Variants in PHYHIPL observed in about 807,000 individuals in gnomAD.
PHYHIPL encodes the protein phytanoyl-CoA 2-hydroxylase interacting protein like, also known as phytanoyl-CoA hydroxylase-interacting protein-like.
PHYHIPL carries 9 observed loss-of-function variants against 33.4 expected under a neutral mutation model. The ratio of observed to expected loss-of-function variants is 0.27; its 90% CI spans 0.16 to 0.47. The LOEUF (loss-of-function observed/expected upper bound fraction) is 0.47. PHYHIPL is among the 20% of genes least tolerant of loss of function. PHYHIPL has a pLI of 0.99. For synonymous variants in PHYHIPL, 153 were observed against 154.1 expected (o/e 0.99, Z 0.05); for missense variants, 365 against 460.7 (o/e 0.79, Z 1.90).
intron 4 of PHYHIPL, among the ~76,000 whole-genome samples, chr10:59,240,880 A>G (rs1376235726): frequency 6.6e-6 from 1 of 152,056 alleles, no homozygotes; most frequent in East Asian, 1.9e-4. Flanking sequence ...TCTGTTTTCA[A>G]AAATGCTTCC....
At chr10:59,243,964 A>C (rs1437531360) in intron 4 of PHYHIPL, among the ~76,000 whole-genome samples, 1 of 152,176 alleles carries the variant, frequency 6.6e-6, no homozygotes, top group Non-Finnish European at 1.5e-5. Flanking sequence ...CAGCAGCAGT[A>C]GTCAGAGATA....
intron 1 of PHYHIPL, among the ~76,000 whole-genome samples, chr10:59,231,446 C>T (rs930818138): frequency 6.6e-6 from 1 of 152,028 alleles, no homozygotes; most frequent in African/African-American, 2.4e-5. Context: ...AGTTGCCATC[C>T]TGATAACCAG....
At chr10:59,186,632 C>G (rs1438199584) in intron 1 of PHYHIPL, among the ~76,000 whole-genome samples, 1 of 152,100 alleles carries the variant, frequency 6.6e-6, no homozygotes, top group African/African-American at 2.4e-5. Context: ...TGTGTCCTCT[C>G]TTATTTCCCT....
intron 1 of PHYHIPL, among the ~76,000 whole-genome samples, chr10:59,214,003 T>A (rs1245600285): frequency 6.6e-6 from 1 of 152,072 alleles, no homozygotes; most frequent in Non-Finnish European, 1.5e-5. Flanking sequence ...ATAATTAAAA[T>A]GGTGGGGTGA....
chr10:59,203,823 G>T (rs977839238), intron 1 of PHYHIPL, among the ~76,000 whole-genome samples: 2 of 152,128 alleles, frequency 1.3e-5, no homozygotes, highest in Non-Finnish European at 2.9e-5. Flanking sequence ...TGTAAATGGT[G>T]AGTTAATGGG....
Position 59,234,379 on chromosome 10 carries a change from T to A in PHYHIPL, c.182T>A (p.Ile61Lys). Residue 61 changes from isoleucine (I) to lysine (K), a missense_variant, in exon 2 of 5, where the codon ATA becomes AAA. This residue lies in a region of PHYHIPL where 89 missense variants were observed against 78.3 expected (regional missense o/e 1.14). Coordinates refer to ENST00000373880, the MANE Select transcript of PHYHIPL (RefSeq NM_032439.4). ...PVPHNIKISN[I>K]TCDSFKISWE... is the part of the protein sequence containing the mutation. ...CCACATAACATCAAAATAAGCAATA[T>A]AACGTGTGACTCATTCAAGATTTCA... The A allele has an allele frequency of 6.2e-7, 1 of 1,603,078 alleles. No homozygotes were observed. The highest frequency in any genetic ancestry group is 8.5e-7 in the Non-Finnish European group (1 of 1,176,072).
chr10:59,185,787 C>T (rs941576932), intron 1 of PHYHIPL, among the ~76,000 whole-genome samples: 1 of 152,056 alleles, frequency 6.6e-6, no homozygotes, highest in African/African-American at 2.4e-5. Flanking sequence ...CTGTTCATAT[C>T]CTTTGCCCAC....
chr10:59,242,371 A>G (rs1338367931), intron 4 of PHYHIPL, among the ~76,000 whole-genome samples: 1 of 152,096 alleles, frequency 6.6e-6, no homozygotes, highest in Non-Finnish European at 1.5e-5. Context: ...TTTTAGCCCC[A>G]TCTGACATCA....
At chr10:59,180,714 AAG>A (rs1258072864) in intron 1 of PHYHIPL, among the ~76,000 whole-genome samples, 2 of 152,158 alleles carry the variant, frequency 1.3e-5, no homozygotes, top group Non-Finnish European at 2.9e-5. Context: ...CATATTTAAA[AAG>A]ATAAATTTCT....
chr10:59,241,904 G>GA (rs1308372789), intron 4 of PHYHIPL, among the ~76,000 whole-genome samples: 1 of 152,114 alleles, frequency 6.6e-6, no homozygotes. Flanking sequence ...AAGAACACCA[G>GA]AAAGTATGTT....
At chr10:59,229,364 T>C (rs1471093352) in intron 1 of PHYHIPL, among the ~76,000 whole-genome samples, 1 of 152,140 alleles carries the variant, frequency 6.6e-6, no homozygotes, top group Non-Finnish European at 1.5e-5. Context: ...AGAATTATTA[T>C]GGTGAATGAT....
chr10:59,173,921 GTTT>G (rs368316005), upstream of PHYHIPL, among the ~76,000 whole-genome samples: 17 of 57,522 alleles, frequency 3.0e-4, no homozygotes, highest in African/African-American at 6.8e-4. Context: ...TACTTCTGAG[GTTT>G]TTTTTTTTTT....
chr10:59,203,467 C>T (rs1382113804), intron 1 of PHYHIPL, among the ~76,000 whole-genome samples: 3 of 152,026 alleles, frequency 2.0e-5, no homozygotes, highest in Admixed American at 1.3e-4. Flanking sequence ...CACACGCACA[C>T]GTATGTTTAT....
chr10:59,179,313 G>A (rs1006279546), intron 1 of PHYHIPL, among the ~76,000 whole-genome samples: 15 of 152,002 alleles, frequency 9.9e-5, no homozygotes, highest in African/African-American at 3.4e-4. Context: ...CTCAAGTCTC[G>A]TTATTTTACT....
chr10:59,225,417 A>G (rs750747596), intron 1 of PHYHIPL, among the ~76,000 whole-genome samples: 3 of 151,978 alleles, frequency 2.0e-5, no homozygotes, highest in Non-Finnish European at 4.4e-5. Context: ...GTTGCCATGG[A>G]TTAATAATTA....
At chr10:59,181,793 C>A (rs1356004252) in intron 1 of PHYHIPL, among the ~76,000 whole-genome samples, 5 of 151,976 alleles carry the variant, frequency 3.3e-5, no homozygotes, top group Non-Finnish European at 7.4e-5. Context: ...TGGTAGGGTT[C>A]TAATTCATTC....
intron 1 of PHYHIPL, among the ~76,000 whole-genome samples, chr10:59,188,825 C>G (rs1838696967): frequency 6.6e-6 from 1 of 152,034 alleles, no homozygotes; most frequent in Non-Finnish European, 1.5e-5. Context: ...CTTGGTAGAT[C>G]TTCCTCCATC....
chr10:59,226,419 CA>C (rs1188506552), intron 1 of PHYHIPL, among the ~76,000 whole-genome samples: 1 of 151,930 alleles, frequency 6.6e-6, no homozygotes, highest in Non-Finnish European at 1.5e-5. Context: ...AAGCAAGAGA[CA>C]AAAAGAAGGC....
chr10:59,177,283 C>A (rs1240997368), intron 1 of PHYHIPL: 1 of 614,306 alleles, frequency 1.6e-6, no homozygotes. Flanking sequence ...ATCTTTGCCG[C>A]AGTCCGGATT....
Sources: allele counts gnomAD v4.1 joint callset (sites outside exome capture counted in the v4.1 genomes callset), GRCh38; gene constraint gnomAD v4.1.1; regional missense constraint gnomAD v4.1.1; transcripts MANE v1.5; gene names NCBI Gene and HGNC (gene_info 2026-07-23, HGNC 2026-07-21).